Variants in FUBP3 observed in about 807,000 individuals in gnomAD.
FUBP3 encodes far upstream element-binding protein 3.
A neutral mutation model predicts 85.6 loss-of-function variants in FUBP3; 28 were observed. The observed-to-expected ratio is 0.33, with a 90% CI of 0.24 to 0.45. FUBP3 has a LOEUF of 0.45. FUBP3 is among the 20% of genes least tolerant of loss of function. The pLI is 1.00. For synonymous variants in FUBP3, 271 were observed against 271.4 expected (o/e 1.00, Z 0.01); for missense variants, 583 against 755.1 (o/e 0.77, Z 2.67).
intron 7 of FUBP3, among the ~76,000 whole-genome samples, 167 bp from the exon 8 acceptor site, chr9:130,617,630 A>G (rs944939571): frequency 1.3e-5 from 2 of 152,236 alleles, no homozygotes; most frequent in Non-Finnish European, 2.9e-5. Context: ...CCCGACCTAT[A>G]TGTCTGCTGT....
chr9:130,579,646 C>T lies in FUBP3; in HGVS notation c.-35C>T. ...GGGAGCCGAGCGGCGGCGTCGGCGGCGTCGGCGGCGGCGGCGACGGCGGCG... is the reference window on the plus strand; with the variant it reads ...GGGAGCCGAGCGGCGGCGTCGGCGGTGTCGGCGGCGGCGGCGACGGCGGCG... On this transcript the variant is annotated 5_prime_UTR_variant, in exon 1 of 19. Transcript: ENST00000319725. The T allele has an allele frequency of 8.3e-7, 1 of 1,207,316 alleles. No individual in the cohort carries two copies. Among genetic ancestry groups the T allele is most frequent in the Non-Finnish European group, 1.0e-6 (1 of 962,900 alleles). 74.8% of individuals were successfully genotyped at this position (1,207,316 alleles called of 1,614,324 possible). A position where few individuals can be genotyped will look rare whatever the true frequency, so the allele number is the denominator to read the frequency against.
intron 12 of FUBP3, among the ~76,000 whole-genome samples, chr9:130,626,949 T>G (rs531688744): frequency 9.8e-5 from 15 of 152,362 alleles, no homozygotes; most frequent in Admixed American, 2.0e-4. Context: ...TTGGTCTTGA[T>G]CCGCGTAACA....
chr9:130,592,664 C>T (rs1367290725), intron 1 of FUBP3, among the ~76,000 whole-genome samples: 2 of 151,862 alleles, frequency 1.3e-5, no homozygotes, highest in African/African-American at 2.4e-5. Context: ...CTGCCTCAGC[C>T]TCCTGAGTAG....
At chr9:130,604,493 C>T (rs1202396161) in intron 2 of FUBP3, among the ~76,000 whole-genome samples, 1 of 152,222 alleles carries the variant, frequency 6.6e-6, no homozygotes, top group Non-Finnish European at 1.5e-5. Flanking sequence ...TGACCTTGGG[C>T]AAGTTCCTTA....
At chr9:130,593,556 C>T (rs1484204350) in intron 1 of FUBP3, among the ~76,000 whole-genome samples, 1 of 152,200 alleles carries the variant, frequency 6.6e-6, no homozygotes, top group African/African-American at 2.4e-5. Context: ...TCACAGAACT[C>T]GTAAATGTAA....
chr9:130,636,907 G>A, intron 18 of FUBP3, 107 bp from the exon 19 acceptor site: 1 of 935,160 alleles, frequency 1.1e-6, no homozygotes, highest in East Asian at 2.4e-5. Context: ...TTCAGCAGAG[G>A]TTTTGTCTGG....
intron 5 of FUBP3, among the ~76,000 whole-genome samples, chr9:130,613,931 C>A (rs1304749288): frequency 6.6e-6 from 1 of 152,160 alleles, no homozygotes; most frequent in African/African-American, 2.4e-5. Context: ...CGTGTGCAGA[C>A]AAATGACCAT....
intron 1 of FUBP3, among the ~76,000 whole-genome samples, chr9:130,589,675 G>GTGTGTGTATGTGTATGTATATATATATA (rs869282275): frequency 5.0e-4 from 17 of 34,288 alleles, no homozygotes; most frequent in South Asian, 1.1e-3. Context: ...GTATGTGTGT[G>GTGTGTGTATGTGTATGTATATATATATA]TATATATATA....
intron 1 of FUBP3, among the ~76,000 whole-genome samples, chr9:130,589,675 G>GTGTGTGTATGTGTA (rs869282275): frequency 2.9e-5 from 1 of 34,312 alleles, no homozygotes; most frequent in Non-Finnish European, 4.9e-5. Context: ...GTATGTGTGT[G>GTGTGTGTATGTGTA]TATATATATA....
chr9:130,622,869 A>G, intron 10 of FUBP3, 59 bp downstream of exon 10: 1 of 827,894 alleles, frequency 1.2e-6, no homozygotes, highest in Non-Finnish European at 1.9e-6. Flanking sequence ...CCTTAGTGTT[A>G]AAAGGATGAT....
chr9:130,588,531 T>C (rs193163743), intron 1 of FUBP3, among the ~76,000 whole-genome samples: 1 of 152,154 alleles, frequency 6.6e-6, no homozygotes, highest in Non-Finnish European at 1.5e-5. Flanking sequence ...CAATAAGAGG[T>C]TAAAATAGCA....
At chr9:130,628,100 A>ACG (rs1366237443) in intron 12 of FUBP3, among the ~76,000 whole-genome samples, 7 of 98,252 alleles carry the variant, frequency 7.1e-5, no homozygotes, top group African/African-American at 2.1e-4. Flanking sequence ...GCACGCACGC[A>ACG]CGCGCACACA....
chr9:130,635,910 G>C lies in FUBP3; in HGVS notation c.1583-89G>C. 2.9e-6 allele frequency: 4 copies of C among 1,372,878 alleles called. No homozygotes were observed. The South Asian group carries it at 5.3e-5, about 18-fold the overall frequency. 85.0% of individuals were successfully genotyped at this position (1,372,878 alleles called of 1,614,324 possible). A position where few individuals can be genotyped will look rare whatever the true frequency, so the allele number is the denominator to read the frequency against. On this transcript the variant is annotated intron_variant, in intron 17 of 18. Coordinates refer to ENST00000319725, the MANE Select transcript of FUBP3 (RefSeq NM_003934.2). This position sits in a 1 kb window ranked among gnomAD's most constrained non-coding sequence, Gnocchi z 4.3. ...CCTCCCTGCCTTCCAGCCGTCCGGA[G>C]GGAGAGCAGATGCCCAGGGCCTTTG...
chr9:130,600,813 AAAATG>A, intron 2 of FUBP3, among the ~76,000 whole-genome samples: 1 of 151,844 alleles, frequency 6.6e-6, no homozygotes. Flanking sequence ...TCTCTACAAA[AAAATG>A]AAAGAAGATT....
chr9:130,607,944 C>T (rs1190287681), intron 2 of FUBP3, among the ~76,000 whole-genome samples: 1 of 152,210 alleles, frequency 6.6e-6, no homozygotes, highest in African/African-American at 2.4e-5. Context: ...ATGAGTGCCT[C>T]CACCGTGGCT....
intron 2 of FUBP3, among the ~76,000 whole-genome samples, chr9:130,597,141 G>C (rs1440792310): frequency 2.0e-5 from 3 of 151,488 alleles, no homozygotes; most frequent in Non-Finnish European, 4.4e-5. Flanking sequence ...AAATAAGTGA[G>C]AACATGTAAT....
chr9:130,580,192 T>C (rs1398994495), intron 1 of FUBP3, among the ~76,000 whole-genome samples: 1 of 152,210 alleles, frequency 6.6e-6, no homozygotes, highest in Non-Finnish European at 1.5e-5. Context: ...CTTTAGACTT[T>C]CTGTTGAGTA....
At position 130,616,277 on chromosome 9, in the gene FUBP3, C is replaced by A; in HGVS notation, c.405-78C>A. ...CCCTGACTCCCGCAGGTTTTTCCCT[C>A]AGTGCTATTTCCCTGTCTTGCACAC... On this transcript the variant is annotated intron_variant, in intron 6 of 18. Transcript: ENST00000319725. This position sits in a 1 kb window ranked among gnomAD's most constrained non-coding sequence, Gnocchi z 4.7. 1 of 1,406,906 alleles carries A rather than the reference C, an allele frequency of 7.1e-7. No individual in the cohort carries two copies. Among genetic ancestry groups the A allele is most frequent in the Non-Finnish European group, 9.9e-7 (1 of 1,008,910 alleles). 87.2% of individuals were successfully genotyped at this position (1,406,906 alleles called of 1,614,324 possible).
At chr9:130,596,734 G>T (rs1830892121) in intron 2 of FUBP3, 1 of 347,596 alleles carries the variant, frequency 2.9e-6, no homozygotes, top group Non-Finnish European at 5.8e-6. Flanking sequence ...CTATGTTAAG[G>T]TTCTTTTTAG....
Sources: allele counts gnomAD v4.1 joint callset (sites outside exome capture counted in the v4.1 genomes callset), GRCh38; gene constraint gnomAD v4.1.1; non-coding constraint Gnocchi (gnomAD v3.1); transcripts MANE v1.5; gene names NCBI Gene and HGNC (gene_info 2026-07-23, HGNC 2026-07-21).